The following NCALD variants were observed in gnomAD, a reference collection of about 807,000 sequenced individuals.
The protein encoded by NCALD is neurocalcin delta, also known as neurocalcin-delta.
Under a neutral mutation model 18.6 loss-of-function variants are expected in NCALD, and 10 were observed. That is an observed-to-expected ratio of 0.54 (90% CI 0.33 to 0.91). NCALD has a LOEUF of 0.91. NCALD is among the 40% of genes least tolerant of loss of function. The probability of loss-of-function intolerance (pLI) is 0.03; values close to 1 mark genes in which losing one functional copy is unlikely to be tolerated. For missense variants in NCALD, 184 were observed against 247.6 expected, an observed-to-expected ratio of 0.74 and a Z score of 1.72; for synonymous variants, 88 against 87.4, an observed-to-expected ratio of 1.01 and a Z score of -0.04.
chr8:101,987,877 G>A (rs1210042779), intron 2 of NCALD, among the ~76,000 whole-genome samples: 1 of 152,178 alleles, frequency 6.6e-6, no homozygotes, highest in Non-Finnish European at 1.5e-5. Context: ...ACTCATGGCC[G>A]GGCGCGGTGG....
chr8:101,859,772 G>T (rs1466233796), intron 4 of NCALD, among the ~76,000 whole-genome samples: 1 of 152,150 alleles, frequency 6.6e-6, no homozygotes, highest in East Asian at 1.9e-4. Context: ...GTTCTATTAT[G>T]AACAATAGAA....
At chr8:101,821,820 C>T (rs943353952) in intron 4 of NCALD, among the ~76,000 whole-genome samples, 2 of 149,480 alleles carry the variant, frequency 1.3e-5, no homozygotes, top group African/African-American at 5.0e-5. Flanking sequence ...AAAAAAACCA[C>T]TTTGGCAATC....
intron 2 of NCALD, among the ~76,000 whole-genome samples, chr8:102,015,225 C>T (rs1822043464): frequency 6.6e-6 from 1 of 151,980 alleles, no homozygotes; most frequent in Non-Finnish European, 1.5e-5. Flanking sequence ...TTCTCTCTTT[C>T]TCATCACCCT....
chr8:102,123,069 G>A (rs769414823), intron 1 of NCALD, among the ~76,000 whole-genome samples: 4 of 152,190 alleles, frequency 2.6e-5, no homozygotes, highest in Non-Finnish European at 5.9e-5. Context: ...AAAACACGGG[G>A]ATCTCCCAAT....
chr8:101,840,779 G>A (rs1814611956), intron 4 of NCALD, among the ~76,000 whole-genome samples: 1 of 152,100 alleles, frequency 6.6e-6, no homozygotes, highest in Non-Finnish European at 1.5e-5. Context: ...AAGTGCTGAG[G>A]TATTATTTGA....
At chr8:101,763,966 C>CCCTCTCTCCACACACACA (rs1554624883) in intron 1 of NCALD, among the ~76,000 whole-genome samples, 10 of 85,172 alleles carry the variant, frequency 1.2e-4, no homozygotes, top group African/African-American at 3.9e-4. Context: ...CTCTCTCTCT[C>CCCTCTCTCCACACACACA]CACACACACA....
chr8:101,886,524 A>T (rs995209345), intron 4 of NCALD, among the ~76,000 whole-genome samples: 1 of 152,186 alleles, frequency 6.6e-6, no homozygotes, highest in East Asian at 1.9e-4. Context: ...TTTCCAAGAA[A>T]TTCAGTAGAT....
intron 4 of NCALD, among the ~76,000 whole-genome samples, chr8:101,806,129 C>T (rs1813091791): frequency 6.6e-6 from 1 of 152,064 alleles, no homozygotes; most frequent in Admixed American, 6.6e-5. Context: ...GAAGGCTTTG[C>T]AGTGTAGGGA....
chr8:101,780,225 A>G (rs1364595384), intron 1 of NCALD, among the ~76,000 whole-genome samples: 1 of 152,144 alleles, frequency 6.6e-6, no homozygotes, highest in African/African-American at 2.4e-5. Context: ...TCCCAGGTTG[A>G]ATGGCTGGTT....
chr8:102,068,840 G>T (rs1165190081), intron 1 of NCALD, among the ~76,000 whole-genome samples: 2 of 152,096 alleles, frequency 1.3e-5, no homozygotes, highest in South Asian at 2.1e-4. Context: ...GTGGAATACT[G>T]TTCAGCCTTA....
intron 4 of NCALD, among the ~76,000 whole-genome samples, chr8:101,822,798 C>T (rs1466024521): frequency 6.6e-6 from 1 of 152,216 alleles, no homozygotes; most frequent in African/African-American, 2.4e-5. Flanking sequence ...CTCTGCCCTT[C>T]CATTCTTCCA....
rs10429306 is a variant in NCALD at position 101,959,942 on chromosome 8, G to A, written c.-156-44084C>T. Among the ~76,000 whole-genome samples the A allele has an allele frequency of 9.7e-3, 1,387 of 143,280 alleles. 14 individuals carry two copies. The highest frequency in any genetic ancestry group is 0.028 in the African/African-American group (1,090 of 38,468). 94.0% of individuals were successfully genotyped at this position (143,280 alleles called of 152,430 possible). ...TACAGACACCTCTTCATCCCACTTG[G>A]GCTCCAACGTCCTTCCTGAACCACC... On this transcript the variant is annotated intron_variant, in intron 2 of 6. Transcript: ENST00000311028.
chr8:101,982,387 A>G (rs375889725), intron 2 of NCALD, among the ~76,000 whole-genome samples: 1 of 152,234 alleles, frequency 6.6e-6, no homozygotes, highest in African/African-American at 2.4e-5. Flanking sequence ...ACTATAAACT[A>G]TAAGTTTTAC....
At chr8:101,877,562 C>G (rs1322136667) in intron 4 of NCALD, among the ~76,000 whole-genome samples, 1 of 152,230 alleles carries the variant, frequency 6.6e-6, no homozygotes, top group Admixed American at 6.5e-5. Flanking sequence ...ATAACCTTTT[C>G]AACAGTATTT....
intron 1 of NCALD, among the ~76,000 whole-genome samples, chr8:102,044,127 C>T (rs1458906352): frequency 6.6e-6 from 1 of 151,868 alleles, no homozygotes; most frequent in Non-Finnish European, 1.5e-5. Context: ...TAAAACAACA[C>T]TTGAAACATT....
chr8:101,840,940 A>C (rs1472431495), intron 4 of NCALD, among the ~76,000 whole-genome samples: 1 of 152,210 alleles, frequency 6.6e-6, no homozygotes, highest in Non-Finnish European at 1.5e-5. Context: ...AAGATTATTA[A>C]TATCTTTTAA....
chr8:102,055,427 CT>C (rs1823618277), intron 1 of NCALD, among the ~76,000 whole-genome samples: 1 of 152,162 alleles, frequency 6.6e-6, no homozygotes, highest in Admixed American at 6.5e-5. Context: ...AAGAAAGCCC[CT>C]AGAACAGTGT....
At chr8:102,048,467 C>T (rs1179711709) in intron 1 of NCALD, among the ~76,000 whole-genome samples, 1 of 152,148 alleles carries the variant, frequency 6.6e-6, no homozygotes, top group Admixed American at 6.5e-5. Context: ...GACTCTTTCT[C>T]TGTACTGGAA....
chr8:102,086,121 T>C (rs1395620376), intron 1 of NCALD, among the ~76,000 whole-genome samples: 1 of 152,186 alleles, frequency 6.6e-6, no homozygotes, highest in Non-Finnish European at 1.5e-5. Flanking sequence ...AATTCTAAAT[T>C]TGAGAAATTA....
Sources: allele counts gnomAD v4.1 joint callset (sites outside exome capture counted in the v4.1 genomes callset), GRCh38; gene constraint gnomAD v4.1.1; transcripts MANE v1.5; gene names NCBI Gene and HGNC (gene_info 2026-07-23, HGNC 2026-07-21).